The following PTPRG variants were observed in gnomAD, a reference collection of about 807,000 sequenced individuals.
PTPRG encodes protein tyrosine phosphatase receptor type G.
In PTPRG, 102 loss-of-function variants were observed where a neutral mutation model predicts 165.3. That is an observed-to-expected ratio of 0.62 (90% CI 0.53 to 0.73). PTPRG has a LOEUF of 0.73. Ranked by LOEUF, PTPRG falls within the 30% of genes least tolerant of loss-of-function variation. The pLI is 0.00. For synonymous variants in PTPRG, 675 were observed against 669.5 expected (o/e 1.01, Z -0.13); for missense variants, 1,866 against 1,861.4 (o/e 1.00, Z -0.05).
intron 2 of PTPRG, among the ~76,000 whole-genome samples, chr3:61,852,604 A>G (rs997177142): frequency 6.6e-6 from 1 of 152,232 alleles, no homozygotes; most frequent in African/African-American, 2.4e-5. Flanking sequence ...ATGGAAGCTG[A>G]GTCCCAGAGA....
chr3:61,837,035 A>G (rs2036488253), intron 2 of PTPRG, among the ~76,000 whole-genome samples: 1 of 151,936 alleles, frequency 6.6e-6, no homozygotes. Context: ...CTCACCCCCC[A>G]GAGTAGCTGG....
At chr3:62,017,709 C>T (rs1176919289) in intron 4 of PTPRG, among the ~76,000 whole-genome samples, 4 of 152,232 alleles carry the variant, frequency 2.6e-5, no homozygotes, top group African/African-American at 9.6e-5. Context: ...CAGGCGTGAG[C>T]CACCGCGCCC....
In PTPRG at chr3:61,680,993, C is replaced by T. The variant is rs951609076; in HGVS notation, c.86-67885C>T. On this transcript the variant is annotated intron_variant, in intron 1 of 29. Coordinates refer to ENST00000474889, the MANE Select transcript of PTPRG (RefSeq NM_002841.4). ...GTGAATTTTTGTTCCTTTCCAAAAC[C>T]GGTTTAGATGAGCAGCTTTGCTTTT... Among the ~76,000 whole-genome samples, 7 of 63,000 alleles carry T rather than the reference C, an allele frequency of 1.1e-4. 1 individual carries two copies. Among genetic ancestry groups the T allele is most frequent in the Admixed American group, 3.7e-4 (2 of 5,432 alleles). The allele number at this position is 63,000 out of a possible 152,430, so 41.3% of individuals were successfully genotyped here.
chr3:62,011,736 A>G (rs2041426695), intron 4 of PTPRG, among the ~76,000 whole-genome samples: 1 of 152,196 alleles, frequency 6.6e-6, no homozygotes. Flanking sequence ...TGGAGAAGTT[A>G]ATGCCTGGTT....
At chr3:61,845,856 C>G (rs1188228) in intron 2 of PTPRG, among the ~76,000 whole-genome samples, 1 of 152,172 alleles carries the variant, frequency 6.6e-6, no homozygotes, top group East Asian at 1.9e-4. Flanking sequence ...AGGTTGTTTC[C>G]TATTCTTTTG....
At chr3:61,778,356 G>A (rs1264666341) in intron 2 of PTPRG, among the ~76,000 whole-genome samples, 1 of 152,088 alleles carries the variant, frequency 6.6e-6, no homozygotes, top group Non-Finnish European at 1.5e-5. Flanking sequence ...CACAATCAGA[G>A]GCTGAACTGA....
chr3:61,683,866 G>A (rs191362455), intron 1 of PTPRG, among the ~76,000 whole-genome samples: 19 of 152,320 alleles, frequency 1.2e-4, no homozygotes, highest in Admixed American at 6.5e-4. Context: ...GAGTCTAGGC[G>A]TTTAATAATA....
rs757376169 is a variant in PTPRG, at chr3:61,562,291, C to T, written c.4C>T (p.Arg2Trp). 5 of 1,613,462 alleles carry T rather than the reference C, an allele frequency of 3.1e-6. No individual in the cohort carries two copies. Among genetic ancestry groups the T allele is most frequent in the South Asian group, 1.1e-5 (1 of 91,068 alleles). The change falls in exon 1 of 30, where the codon CGG becomes TGG. Residue 2 changes from arginine (R) to tryptophan (W), a missense_variant. Around this residue, in one of 3 missense-constraint regions of PTPRG, gnomAD observed 408 missense variants for 376.2 expected, o/e 1.08. Transcript: ENST00000474889. ...TTTTCGATGTGCGTTTTCGGACATG[C>T]GGAGGTTACTGGAACCGTGTTGGTG... M[R>W]RLLEPCWWIL...
intron 1 of PTPRG, among the ~76,000 whole-genome samples, chr3:61,672,182 C>T (rs1306921878): frequency 7.3e-6 from 1 of 136,732 alleles, no homozygotes; most frequent in East Asian, 2.2e-4. Flanking sequence ...AAGAGGCGCT[C>T]CTCACTTCCT....
intron 1 of PTPRG, among the ~76,000 whole-genome samples, chr3:61,694,120 A>G (rs144026740): frequency 2.0e-5 from 3 of 152,136 alleles, no homozygotes; most frequent in African/African-American, 7.2e-5. Flanking sequence ...AGGATCTACC[A>G]TGCCATTTCA....
intron 5 of PTPRG, among the ~76,000 whole-genome samples, chr3:62,125,797 TC>T (rs1559539312): frequency 6.6e-6 from 1 of 151,876 alleles, no homozygotes; most frequent in Non-Finnish European, 1.5e-5. Context: ...GTTTTACCTC[TC>T]CGGTTCAGGA....
At chr3:62,170,845 G>C (rs140774137) in intron 8 of PTPRG, among the ~76,000 whole-genome samples, 41 of 152,274 alleles carry the variant, frequency 2.7e-4, no homozygotes, top group African/African-American at 9.9e-4. Context: ...TGCACAGCTT[G>C]ATGAATTTTC....
chr3:61,716,846 C>T (rs547309147), intron 1 of PTPRG, among the ~76,000 whole-genome samples: 10 of 152,236 alleles, frequency 6.6e-5, no homozygotes, highest in Admixed American at 2.0e-4. Context: ...GTGGCAGGCA[C>T]GCGTAATCCC....
intron 1 of PTPRG, among the ~76,000 whole-genome samples, chr3:61,633,871 C>A (rs368515218): frequency 1.3e-5 from 2 of 150,160 alleles, no homozygotes; most frequent in African/African-American, 4.9e-5. Flanking sequence ...TGAGGAAGTT[C>A]TCTGTTATTC....
intron 8 of PTPRG, among the ~76,000 whole-genome samples, chr3:62,189,912 C>T (rs916644610): frequency 6.6e-6 from 1 of 152,124 alleles, no homozygotes; most frequent in African/African-American, 2.4e-5. Context: ...TGACTTGCTC[C>T]AGCCCCTCAG....
At chr3:61,576,423 G>T (rs1700175169) in intron 1 of PTPRG, among the ~76,000 whole-genome samples, 1 of 152,178 alleles carries the variant, frequency 6.6e-6, no homozygotes, top group Non-Finnish European at 1.5e-5. Flanking sequence ...AAAGTGAACA[G>T]CATATGTCTT....
chr3:61,666,708 T>C (rs1462662964), intron 1 of PTPRG, among the ~76,000 whole-genome samples: 1 of 152,226 alleles, frequency 6.6e-6, no homozygotes, highest in Non-Finnish European at 1.5e-5. Context: ...CCAAAGGTTA[T>C]TACCCAGCAT....
At chr3:61,755,070 T>C (rs540182424) in intron 2 of PTPRG, among the ~76,000 whole-genome samples, 1 of 151,742 alleles carries the variant, frequency 6.6e-6, no homozygotes, top group African/African-American at 2.4e-5. Context: ...CCTGTCGCCC[T>C]GATCTCAGCT....
intron 1 of PTPRG, among the ~76,000 whole-genome samples, chr3:61,665,045 C>T (rs1432641220): frequency 6.6e-6 from 1 of 152,108 alleles, no homozygotes; most frequent in East Asian, 1.9e-4. Context: ...TAGGAACCCT[C>T]ACAAGAGGAT....
Sources: allele counts gnomAD v4.1 joint callset (sites outside exome capture counted in the v4.1 genomes callset), GRCh38; gene constraint gnomAD v4.1.1; regional missense constraint gnomAD v4.1.1; transcripts MANE v1.5; gene names NCBI Gene and HGNC (gene_info 2026-07-23, HGNC 2026-07-21).